Variants in GLG1 observed in about 807,000 individuals in gnomAD.
GLG1 encodes the protein Golgi apparatus protein 1.
A neutral mutation model predicts 160.5 loss-of-function variants in GLG1; 38 were observed. The observed-to-expected ratio is 0.24, with a 90% CI of 0.18 to 0.31. The LOEUF (loss-of-function observed/expected upper bound fraction) is 0.31. GLG1 is among the 10% of genes least tolerant of loss of function. The probability of loss-of-function intolerance (pLI) is 1.00; values close to 1 mark genes in which losing one functional copy is unlikely to be tolerated. For missense variants in GLG1, 1,373 were observed against 1,505.2 expected (o/e 0.91, Z 1.45); for synonymous variants, 644 against 543.4 (o/e 1.19, Z -2.57).
chr16:74,486,545 A>T (rs2015791359), intron 8 of GLG1, among the ~76,000 whole-genome samples: 1 of 152,238 alleles, frequency 6.6e-6, no homozygotes, highest in Non-Finnish European at 1.5e-5. Flanking sequence ...AATACTTGTC[A>T]TTATGCAGCT....
At chr16:74,455,011 G>A (rs2014478313) in intron 25 of GLG1, among the ~76,000 whole-genome samples, 1 of 152,092 alleles carries the variant, frequency 6.6e-6, no homozygotes, top group Non-Finnish European at 1.5e-5. Flanking sequence ...AGGATCACTT[G>A]AGCCCAGGAG....
chr16:74,508,479 C>T lies in GLG1; in HGVS notation c.558+360G>A, dbSNP rs142271304. Among the ~76,000 whole-genome samples the T allele has an allele frequency of 2.6e-5, 4 of 152,184 alleles. No individual in the cohort carries two copies. The East Asian group carries it at 7.7e-4, about 29-fold the overall frequency. On this transcript the variant is annotated intron_variant, in intron 3 of 25. Coordinates refer to ENST00000422840, the MANE Select transcript of GLG1 (RefSeq NM_001145667.2). Reference sequence around the variant, plus strand: ...TATATACCTCTGTGGGTCAATTGATCCAGCTGCATAGCCAAAACAGGAATG... The same window carrying T: ...TATATACCTCTGTGGGTCAATTGATTCAGCTGCATAGCCAAAACAGGAATG...
rs527294173 is a variant in GLG1, at chr16:74,462,301, A to AAAAAAACAAAAAGAACAAG, written c.2935-125_2935-107dup. ...AAACAACAACAACCACAAGAACAAGAAAAAAACAAAAAGAACAAGAAAAAA... is the reference window on the plus strand; with the variant it reads ...AAACAACAACAACCACAAGAACAAGAAAAAAACAAAAAGAACAAGAAAAAACAAAAAGAACAAGAAAAAA... On this transcript the variant is annotated intron_variant, in intron 21 of 25. Transcript: ENST00000422840. 300 of 810,842 alleles carry AAAAAAACAAAAAGAACAAG rather than the reference A, an allele frequency of 3.7e-4. No individual in the cohort carries two copies. The African/African-American group carries it at 4.4e-3, about 12-fold the overall frequency. 50.2% of individuals were successfully genotyped at this position (810,842 alleles called of 1,614,324 possible). A position where few individuals can be genotyped will look rare whatever the true frequency, so the allele number is the denominator to read the frequency against.
intron 1 of GLG1, among the ~76,000 whole-genome samples, chr16:74,597,137 C>A (rs1211245409): frequency 6.0e-5 from 9 of 149,824 alleles, no homozygotes; most frequent in Admixed American, 1.3e-4. Context: ...AAAAAAAAAA[C>A]CCAAAACAAA....
intron 1 of GLG1, among the ~76,000 whole-genome samples, chr16:74,550,409 G>A (rs2018166350): frequency 6.6e-6 from 1 of 151,806 alleles, no homozygotes; most frequent in South Asian, 2.1e-4. Flanking sequence ...GCATATGAGA[G>A]CAGAGCCTCA....
intron 1 of GLG1, among the ~76,000 whole-genome samples, chr16:74,554,324 A>G (rs1312513755): frequency 6.6e-6 from 1 of 152,236 alleles, no homozygotes; most frequent in Admixed American, 6.5e-5. Flanking sequence ...ACTTGAAGTC[A>G]GGAGATCCAG....
rs149281759 is a variant in GLG1 at position 74,456,382 on chromosome 16, G to A, written c.3372+267C>T. On this transcript the variant is annotated intron_variant, in intron 25 of 25. Transcript: ENST00000422840. Reference sequence around the variant, plus strand: ...TCACCGTGTTGGCCAGGTTGGTCTCGATCTCCTGACCTCGTGATCTGCCTG... The same window carrying A: ...TCACCGTGTTGGCCAGGTTGGTCTCAATCTCCTGACCTCGTGATCTGCCTG... Among the ~76,000 whole-genome samples, 216 of 152,290 alleles carry A rather than the reference G, an allele frequency of 1.4e-3. 2 individuals are homozygous for A. The highest frequency in any genetic ancestry group is 5.1e-3 in the African/African-American group (212 of 41,560).
intron 1 of GLG1, among the ~76,000 whole-genome samples, chr16:74,555,125 G>C (rs1486729000): frequency 6.6e-6 from 1 of 152,142 alleles, no homozygotes. Context: ...ATACCCACCA[G>C]ATGGGCCATT....
At chr16:74,574,821 T>C (rs918797968) in intron 1 of GLG1, among the ~76,000 whole-genome samples, 2 of 126,254 alleles carry the variant, frequency 1.6e-5, no homozygotes, top group African/African-American at 3.1e-5. Context: ...GAGGTGGAGG[T>C]TGCAGTGAGC....
chr16:74,571,011 A>T (rs956189890), intron 1 of GLG1, among the ~76,000 whole-genome samples: 8 of 151,190 alleles, frequency 5.3e-5, no homozygotes, highest in African/African-American at 1.7e-4. Flanking sequence ...GAATCTGGGC[A>T]TGGCTACCTG....
chr16:74,570,360 A>G (rs1299918275), intron 1 of GLG1, among the ~76,000 whole-genome samples: 3 of 152,216 alleles, frequency 2.0e-5, no homozygotes, highest in Non-Finnish European at 4.4e-5. Context: ...TTTAATTCAC[A>G]TAATAATTGT....
chr16:74,448,228 G>C lies in GLG1; in HGVS notation c.*4939C>G, dbSNP rs1027295355. On this transcript the variant is annotated 3_prime_UTR_variant, in exon 26 of 26. Coordinates refer to ENST00000422840, the MANE Select transcript of GLG1 (RefSeq NM_001145667.2). ...GGACCAAGAAGGGGTGCAGTTAGAG[G>C]GATGAGCAACCAAAGACCAATGGGA... is the stretch of plus-strand genomic sequence containing the variant. 2 of 152,304 alleles carry C rather than the reference G, an allele frequency of 1.3e-5. No homozygotes were observed. Among genetic ancestry groups the C allele is most frequent in the Non-Finnish European group, 2.9e-5 (2 of 68,142 alleles). 9.4% of individuals were successfully genotyped at this position (152,304 alleles called of 1,614,324 possible).
In GLG1 at chr16:74,456,693, T is replaced by G; in HGVS notation, c.3328A>C (p.Lys1110Gln). The change falls in exon 25 of 26, where the codon AAG becomes CAG. Residue 1110 changes from lysine (K) to glutamine (Q), a missense_variant. Physicochemically the swap from Lys to Gln is moderately conservative, Grantham distance 53. Around this residue, in one of 4 missense-constraint regions of GLG1, gnomAD observed 491 missense variants for 632.1 expected, o/e 0.78. Transcript: ENST00000422840. The part of the protein sequence containing the change: ...KRVRLQPECK[K>Q]RLNDRIEMWS... ...ATCTCAATCCGGTCATTGAGGCGCT[T>G]TTTGCACTCGGGCTGTAACCTCACC... is the stretch of plus-strand genomic sequence containing the variant. 6.2e-7 allele frequency: 1 copy of G among 1,610,358 alleles called. No homozygotes were observed. The highest frequency in any genetic ancestry group is 8.5e-7 in the Non-Finnish European group (1 of 1,178,760).
intron 1 of GLG1, among the ~76,000 whole-genome samples, chr16:74,534,743 A>G (rs1189885940): frequency 3.9e-5 from 6 of 152,058 alleles, no homozygotes; most frequent in African/African-American, 7.2e-5. Flanking sequence ...TAAACTGAGT[A>G]TACACCCGGC....
Position 74,469,071 on chromosome 16 carries a change from C to A in GLG1, c.2319-8G>T. Reference sequence around the variant, plus strand: ...CAGATCACCACGTCCACCCTGCAGACGAAAGAAGCTTGAGGCTGGCTGGGG... The same window carrying A: ...CAGATCACCACGTCCACCCTGCAGAAGAAAGAAGCTTGAGGCTGGCTGGGG... On this transcript the variant is annotated splice_polypyrimidine_tract_variant and splice_region_variant and intron_variant, in intron 16 of 25. Coordinates refer to ENST00000422840, the MANE Select transcript of GLG1 (RefSeq NM_001145667.2). The A allele has an allele frequency of 3.1e-6, 5 of 1,602,930 alleles. No homozygotes were observed. Among genetic ancestry groups the A allele is most frequent in the Non-Finnish European group, 4.3e-6 (5 of 1,169,812 alleles).
At chr16:74,563,373 T>C (rs2018561044) in intron 1 of GLG1, 1 of 152,230 alleles carries the variant, frequency 6.6e-6, no homozygotes, top group South Asian at 2.1e-4. Flanking sequence ...TCATTCTGAA[T>C]GGCCTTCATT....
intron 24 of GLG1, 28 bp from the exon 25 acceptor site, chr16:74,456,783 A>C: frequency 7.7e-7 from 1 of 1,294,014 alleles, no homozygotes; most frequent in Non-Finnish European, 1.1e-6. Flanking sequence ...TAATAAGAAG[A>C]ACCTGAAACT....
intron 1 of GLG1, among the ~76,000 whole-genome samples, chr16:74,533,641 C>A (rs1369245924): frequency 1.3e-5 from 2 of 152,088 alleles, no homozygotes; most frequent in East Asian, 3.9e-4. Context: ...ATTAGCCAGG[C>A]GTGGTGGCAC....
chr16:74,498,243 C>T (rs1175618016), intron 4 of GLG1, among the ~76,000 whole-genome samples: 1 of 149,860 alleles, frequency 6.7e-6, no homozygotes, highest in African/African-American at 2.5e-5. Flanking sequence ...CCAGTCTGGC[C>T]AACACAGTGA....
Sources: allele counts gnomAD v4.1 joint callset (sites outside exome capture counted in the v4.1 genomes callset), GRCh38; gene constraint gnomAD v4.1.1; regional missense constraint gnomAD v4.1.1; transcripts MANE v1.5; gene names NCBI Gene and HGNC (gene_info 2026-07-23, HGNC 2026-07-21).